Variants in PCDHA2 observed in about 807,000 individuals in gnomAD.
The protein encoded by PCDHA2 is protocadherin alpha 2.
Under a neutral mutation model 66.0 loss-of-function variants are expected in PCDHA2, and 58 were observed. The observed-to-expected ratio is 0.88, with a 90% CI of 0.71 to 1.09. The LOEUF (loss-of-function observed/expected upper bound fraction) is 1.09, where lower values mean the gene tolerates loss of function less well. Ranked by LOEUF, PCDHA2 falls within the 50% of genes least tolerant of loss-of-function variation. The probability of loss-of-function intolerance (pLI) is 0.00; values close to 1 mark genes in which losing one functional copy is unlikely to be tolerated. For synonymous variants in PCDHA2, 634 were observed against 554.0 expected, an observed-to-expected ratio of 1.14 and a Z score of -2.03; for missense variants, 1,267 against 1,242.3, an observed-to-expected ratio of 1.02 and a Z score of -0.30.
chr5:140,970,792 C>A (rs1554232742), intron 1 of PCDHA2, among the ~76,000 whole-genome samples: 2 of 152,036 alleles, frequency 1.3e-5, no homozygotes, highest in African/African-American at 4.8e-5. Flanking sequence ...TATGTAATAT[C>A]CATATTGTTA....
chr5:140,822,292 C>T, intron 1 of PCDHA2: 1 of 1,614,190 alleles, frequency 6.2e-7, no homozygotes. Context: ...CAGGTTAAAT[C>T]CAAACGAATA....
intron 1 of PCDHA2, among the ~76,000 whole-genome samples, chr5:140,974,875 A>G (rs934874769): frequency 1.6e-4 from 24 of 152,174 alleles, no homozygotes; most frequent in Non-Finnish European, 1.9e-4. Context: ...GGAACAGTCT[A>G]TGTATCCCTT....
Position 140,925,562 on chromosome 5 carries a change from G to A in PCDHA2, c.2389-53387G>A, listed in dbSNP as rs28620116. On this transcript the variant is annotated intron_variant, in intron 1 of 3. Transcript: ENST00000526136. ...ACCTAATGTAAATGACAAGTTAATG[G>A]GTGCAGCACACCAACATGGCGCATG... 5.5e-3 allele frequency among the ~76,000 whole-genome samples: 841 copies of A among 151,670 alleles called. 7 individuals carry two copies. The highest frequency in any genetic ancestry group is 0.018 in the African/African-American group (764 of 41,334).
chr5:140,809,591 T>A (rs1554125312), intron 1 of PCDHA2: 1 of 1,536,038 alleles, frequency 6.5e-7, no homozygotes, highest in Non-Finnish European at 8.8e-7. Context: ...ATAACATCCT[T>A]TTGTTTAATT....
intron 1 of PCDHA2, chr5:140,877,128 G>C (rs782052511): frequency 3.1e-6 from 5 of 1,613,762 alleles, no homozygotes; most frequent in Non-Finnish European, 4.2e-6. Flanking sequence ...TGACGCTGCA[G>C]GTGTTCGTGC....
At chr5:140,902,044 AT>A (rs1222362795) in intron 1 of PCDHA2, among the ~76,000 whole-genome samples, 1 of 152,016 alleles carries the variant, frequency 6.6e-6, no homozygotes, top group Admixed American at 6.6e-5. Flanking sequence ...TTGTATGTTG[AT>A]TTTGTATCCT....
intron 1 of PCDHA2, among the ~76,000 whole-genome samples, chr5:140,938,635 G>A (rs1361017966): frequency 6.6e-6 from 1 of 151,982 alleles, no homozygotes; most frequent in Non-Finnish European, 1.5e-5. Context: ...TGCTTATGAT[G>A]TATAATCCTT....
intron 3 of PCDHA2, among the ~76,000 whole-genome samples, chr5:140,994,564 G>A (rs1554254259): frequency 6.6e-6 from 1 of 152,070 alleles, no homozygotes; most frequent in Non-Finnish European, 1.5e-5. Flanking sequence ...AATTAGCCGG[G>A]TGTGGTGGCA....
At chr5:140,999,051 C>T (rs972072595) in intron 3 of PCDHA2, among the ~76,000 whole-genome samples, 6 of 152,196 alleles carry the variant, frequency 3.9e-5, no homozygotes, top group African/African-American at 9.7e-5. Flanking sequence ...TGCTTTCCAC[C>T]ATGCCTAAGT....
intron 1 of PCDHA2, chr5:140,930,401 T>G (rs1554207785): frequency 6.6e-6 from 1 of 152,210 alleles, no homozygotes; most frequent in African/African-American, 2.4e-5. Context: ...TTCTTTTTTT[T>G]TTTTGAGACA....
chr5:140,942,615 A>G (rs1310858123), intron 1 of PCDHA2, among the ~76,000 whole-genome samples: 1 of 101,274 alleles, frequency 9.9e-6, no homozygotes, highest in African/African-American at 4.7e-5. Context: ...ATATTTGCCA[A>G]TTGTAAAAAA....
intron 1 of PCDHA2, among the ~76,000 whole-genome samples, chr5:140,922,557 CA>C (rs1214132732): frequency 3.2e-4 from 49 of 152,258 alleles, no homozygotes; most frequent in African/African-American, 1.1e-3. Context: ...GGAGAAAAGT[CA>C]GGATGACAAG....
chr5:140,829,590 G>A, intron 1 of PCDHA2: 1 of 1,612,072 alleles, frequency 6.2e-7, no homozygotes, highest in Non-Finnish European at 8.5e-7. Context: ...CGGCGGGTGG[G>A]CGAGCGCGCG....
intron 1 of PCDHA2, chr5:140,869,449 G>C (rs1562628506): frequency 9.3e-6 from 15 of 1,614,196 alleles, no homozygotes; most frequent in Non-Finnish European, 1.3e-5. Context: ...GCCGCTGCAG[G>C]TTTTCCATGT....
chr5:140,886,931 G>C (rs1426144437), intron 1 of PCDHA2, among the ~76,000 whole-genome samples: 1 of 151,756 alleles, frequency 6.6e-6, no homozygotes, highest in South Asian at 2.1e-4. Flanking sequence ...CTATGTGCCA[G>C]GCATGTTCTA....
At chr5:140,873,725 A>G (rs1235492447) in intron 1 of PCDHA2, among the ~76,000 whole-genome samples, 7 of 152,112 alleles carry the variant, frequency 4.6e-5, no homozygotes, top group Non-Finnish European at 7.4e-5. Context: ...CAGTGGCGCA[A>G]TCTCAGCTCA....
At chr5:140,999,993 G>A (rs529237834) in intron 3 of PCDHA2, among the ~76,000 whole-genome samples, 1 of 152,114 alleles carries the variant, frequency 6.6e-6, no homozygotes, top group African/African-American at 2.4e-5. Flanking sequence ...CTGGGTAGTG[G>A]TATTAGATTG....
chr5:140,933,694 C>A lies in PCDHA2; in HGVS notation c.2389-45255C>A, dbSNP rs782754431. On this transcript the variant is annotated intron_variant, in intron 1 of 3. Coordinates refer to ENST00000526136, the MANE Select transcript of PCDHA2 (RefSeq NM_018905.3). ...CTCTCACATTTTTTTTCCTATTCCT[C>A]GGACACATTTACTGAGATTGGTGAT... 5.3e-5 allele frequency among the ~76,000 whole-genome samples: 8 copies of A among 151,858 alleles called. No homozygotes were observed. In the South Asian group the frequency reaches 1.7e-3, roughly 31 times the overall value.
intron 1 of PCDHA2, among the ~76,000 whole-genome samples, chr5:140,932,168 A>G (rs1279324749): frequency 1.3e-5 from 2 of 151,944 alleles, no homozygotes; most frequent in African/African-American, 4.8e-5. Flanking sequence ...ACAATTAGAC[A>G]ATGTGTACCT....
Sources: allele counts gnomAD v4.1 joint callset (sites outside exome capture counted in the v4.1 genomes callset), GRCh38; gene constraint gnomAD v4.1.1; transcripts MANE v1.5; gene names NCBI Gene and HGNC (gene_info 2026-07-23, HGNC 2026-07-21).